Variants in BRINP3 observed in about 807,000 individuals in gnomAD.
BRINP3 encodes BMP/retinoic acid inducible neural specific 3.
BRINP3 carries 19 observed loss-of-function variants against 71.0 expected under a neutral mutation model. The ratio of observed to expected loss-of-function variants is 0.27; its 90% CI spans 0.19 to 0.39. The LOEUF is 0.39. BRINP3 is among the 10% of genes least tolerant of loss of function. The pLI, the probability that BRINP3 is intolerant of heterozygous loss-of-function variation, is 1.00. For missense variants in BRINP3, 959 were observed against 940.8 expected, an observed-to-expected ratio of 1.02 and a Z score of -0.25; for synonymous variants, 380 against 337.7, an observed-to-expected ratio of 1.13 and a Z score of -1.37.
intron 6 of BRINP3, among the ~76,000 whole-genome samples, chr1:190,205,562 G>C (rs775385739): frequency 2.8e-4 from 43 of 152,058 alleles, no homozygotes; most frequent in Non-Finnish European, 5.0e-4. Context: ...GTCAGAAGCA[G>C]ACTACACTCA....
intron 2 of BRINP3, among the ~76,000 whole-genome samples, chr1:190,436,505 A>C (rs1284697944): frequency 6.6e-6 from 1 of 151,880 alleles, no homozygotes; most frequent in Non-Finnish European, 1.5e-5. Context: ...AAGATCCAAA[A>C]AAAGAGTGAA....
At chr1:190,244,785 T>C (rs1003465998) in intron 4 of BRINP3, among the ~76,000 whole-genome samples, 2 of 152,080 alleles carry the variant, frequency 1.3e-5, no homozygotes, top group Non-Finnish European at 2.9e-5. Flanking sequence ...TCCTACTCAA[T>C]GTAGGAGCCA....
At chr1:190,420,694 T>C (rs1393424095) in intron 2 of BRINP3, among the ~76,000 whole-genome samples, 1 of 151,928 alleles carries the variant, frequency 6.6e-6, no homozygotes, top group Non-Finnish European at 1.5e-5. Context: ...TATCATGTAG[T>C]CTTCAAACTA....
chr1:190,121,406 C>CT (rs1653645321), intron 7 of BRINP3, among the ~76,000 whole-genome samples: 1 of 152,064 alleles, frequency 6.6e-6, no homozygotes, highest in Admixed American at 6.6e-5. Flanking sequence ...AAAAACAGCA[C>CT]ACATTAAGGT....
chr1:190,197,935 T>A lies in BRINP3; in HGVS notation c.961+28147A>T, dbSNP rs553597417. Among the ~76,000 whole-genome samples the A allele has an allele frequency of 3.4e-3, 518 of 152,210 alleles. 3 individuals are homozygous for A. Among genetic ancestry groups the A allele is most frequent in the Non-Finnish European group, 4.2e-3 (288 of 67,994 alleles). ...CTGCCTTAACAGAGGGTCCCCATAA[T>A]GGCTCCATCCCTGCAGCATACCTCT... On this transcript the variant is annotated intron_variant, in intron 6 of 7. Coordinates refer to ENST00000367462, the MANE Select transcript of BRINP3 (RefSeq NM_199051.3).
At chr1:190,153,267 C>G (rs993898427) in intron 7 of BRINP3, among the ~76,000 whole-genome samples, 1 of 152,018 alleles carries the variant, frequency 6.6e-6, no homozygotes, top group Non-Finnish European at 1.5e-5. Context: ...GCATTTAGAC[C>G]ATTATCTTTA....
intron 6 of BRINP3, among the ~76,000 whole-genome samples, chr1:190,204,212 C>G (rs1202256175): frequency 6.6e-6 from 1 of 151,772 alleles, no homozygotes; most frequent in African/African-American, 2.4e-5. Context: ...ATAAATAAGA[C>G]CTGAGCTGAT....
intron 7 of BRINP3, among the ~76,000 whole-genome samples, chr1:190,118,166 T>A (rs979162138): frequency 1.3e-5 from 2 of 151,860 alleles, no homozygotes; most frequent in African/African-American, 4.8e-5. Context: ...CAACTCTGAT[T>A]TCAAATAAAG....
chr1:190,114,528 G>C (rs1398281848), intron 7 of BRINP3, among the ~76,000 whole-genome samples: 1 of 123,384 alleles, frequency 8.1e-6, no homozygotes, highest in African/African-American at 4.0e-5. Context: ...GTTTGCCACT[G>C]TGTGTGTGTG....
chr1:190,144,501 T>C (rs1655719269), intron 7 of BRINP3, among the ~76,000 whole-genome samples: 1 of 152,116 alleles, frequency 6.6e-6, no homozygotes. Flanking sequence ...GTCATTTATT[T>C]CCATTAAGAT....
At chr1:190,102,728 A>C (rs1291956854) in intron 7 of BRINP3, among the ~76,000 whole-genome samples, 1 of 152,096 alleles carries the variant, frequency 6.6e-6, no homozygotes, top group African/African-American at 2.4e-5. Flanking sequence ...GCAAACTTTA[A>C]AAAAGCAATT....
At chr1:190,236,149 G>A (rs1224864442) in intron 4 of BRINP3, among the ~76,000 whole-genome samples, 3 of 151,842 alleles carry the variant, frequency 2.0e-5, no homozygotes, top group African/African-American at 7.2e-5. Flanking sequence ...AAGTTCAATT[G>A]TAAAAAACAA....
At chr1:190,371,277 A>C (rs530922963) in intron 2 of BRINP3, among the ~76,000 whole-genome samples, 64 of 152,308 alleles carry the variant, frequency 4.2e-4, no homozygotes, top group Non-Finnish European at 8.1e-4. Flanking sequence ...GCTTTCCTCT[A>C]AGTTTTCTTC....
intron 2 of BRINP3, among the ~76,000 whole-genome samples, chr1:190,284,765 A>G (rs1056660245): frequency 2.6e-5 from 4 of 152,062 alleles, no homozygotes; most frequent in Non-Finnish European, 5.9e-5. Context: ...TCTGTCATGC[A>G]AAAAACAAAA....
intron 2 of BRINP3, among the ~76,000 whole-genome samples, chr1:190,389,268 A>G (rs1571927077): frequency 6.6e-6 from 1 of 151,778 alleles, no homozygotes; most frequent in Admixed American, 6.6e-5. Flanking sequence ...CTCTTTCCCT[A>G]CCATCCAATC....
chr1:190,112,936 T>A (rs560437120), intron 7 of BRINP3, among the ~76,000 whole-genome samples: 5 of 152,306 alleles, frequency 3.3e-5, no homozygotes, highest in East Asian at 1.9e-4. Context: ...ATGATGTAGT[T>A]CTTTTTCTTC....
intron 2 of BRINP3, among the ~76,000 whole-genome samples, chr1:190,350,199 A>G (rs1668287244): frequency 6.6e-6 from 1 of 152,142 alleles, no homozygotes; most frequent in Admixed American, 6.6e-5. Flanking sequence ...CAAACAGATG[A>G]AATAACATGA....
In BRINP3 at chr1:190,279,906, C is replaced by A. The variant is rs376909800; in HGVS notation, c.427+1654G>T. Among the ~76,000 whole-genome samples the A allele has an allele frequency of 4.6e-5, 7 of 151,784 alleles. No individual in the cohort carries two copies. The East Asian group carries it at 5.8e-4, about 13-fold the overall frequency. On this transcript the variant is annotated intron_variant, in intron 3 of 7. Coordinates refer to ENST00000367462, the MANE Select transcript of BRINP3 (RefSeq NM_199051.3). ...ATCTAGTTATTTGGATGACCTCAAT[C>A]TCCTAAGAAAGTGTAGTTTTACTTG...
At position 190,205,741 on chromosome 1, in the gene BRINP3, A is replaced by AAATAAT. The variant is rs1655438861; in HGVS notation, c.961+20335_961+20340dup. On this transcript the variant is annotated intron_variant, in intron 6 of 7. Coordinates refer to ENST00000367462, the MANE Select transcript of BRINP3 (RefSeq NM_199051.3). Reference sequence around the variant, plus strand: ...AAGAAAATGATACAAAAGGCCAAGAAAATAATACAAAGATAGTCCTTTTCT... The same window carrying AAATAAT: ...AAGAAAATGATACAAAAGGCCAAGAAAATAATAATAATACAAAGATAGTCCTTTTCT... 2.0e-5 allele frequency among the ~76,000 whole-genome samples: 3 copies of AAATAAT among 152,160 alleles called. No individual in the cohort carries two copies. In the South Asian group the frequency reaches 6.2e-4, roughly 32 times the overall value.
Sources: allele counts gnomAD v4.1 joint callset (sites outside exome capture counted in the v4.1 genomes callset), GRCh38; gene constraint gnomAD v4.1.1; transcripts MANE v1.5; gene names NCBI Gene and HGNC (gene_info 2026-07-23, HGNC 2026-07-21).